MEI4: variants seen among roughly 807,000 people sequenced by gnomAD.
MEI4 encodes the protein meiotic double-stranded break formation protein 4.
MEI4 carries 27 observed loss-of-function variants against 31.4 expected under a neutral mutation model. That is an observed-to-expected ratio of 0.86 (90% CI 0.63 to 1.19). The LOEUF (loss-of-function observed/expected upper bound fraction) is 1.19. Ranked by LOEUF, MEI4 falls within the 50% of genes most tolerant of loss-of-function variation. The pLI is 0.00. For missense variants in MEI4, 329 were observed against 398.9 expected (o/e 0.82, Z 1.49); for synonymous variants, 122 against 145.4 (o/e 0.84, Z 1.16).
intron 4 of MEI4, among the ~76,000 whole-genome samples, chr6:77,879,928 T>C (rs1771437459): frequency 6.6e-6 from 1 of 152,142 alleles, no homozygotes; most frequent in African/African-American, 2.4e-5. Context: ...CTGTTACATA[T>C]ACTTAAATAA....
chr6:77,662,547 A>C (rs199944802), intron 1 of MEI4, among the ~76,000 whole-genome samples: 1 of 152,132 alleles, frequency 6.6e-6, no homozygotes, highest in African/African-American at 2.4e-5. Flanking sequence ...GAAGAAAATA[A>C]ATTTTGGAAA....
intron 3 of MEI4, among the ~76,000 whole-genome samples, chr6:77,790,010 G>T (rs1283856516): frequency 6.6e-6 from 1 of 151,940 alleles, no homozygotes; most frequent in Non-Finnish European, 1.5e-5. Flanking sequence ...CAAGCCAAAT[G>T]TCCAACAATG....
chr6:77,739,833 T>C (rs1176385135), intron 2 of MEI4, among the ~76,000 whole-genome samples: 1 of 152,328 alleles, frequency 6.6e-6, no homozygotes, highest in Admixed American at 6.5e-5. Context: ...ATTTCTTGTC[T>C]TCTGCTAGCT....
chr6:77,849,439 A>G (rs933603503), intron 4 of MEI4, among the ~76,000 whole-genome samples: 1 of 152,158 alleles, frequency 6.6e-6, no homozygotes, highest in Non-Finnish European at 1.5e-5. Flanking sequence ...GGGTGAACTG[A>G]CAGGAGCATA....
rs939303796 is a variant in MEI4, at chr6:77,749,366, C to G, written c.233-11764C>G. ...AACCCTATGCAAGGAAGCTGAGAAC[C>G]TTGATAAAAGGTTAGATGCATTGCT... On this transcript the variant is annotated intron_variant, in intron 2 of 4. Coordinates refer to ENST00000684080, the MANE Select transcript of MEI4 (RefSeq NM_001322247.2). Among the ~76,000 whole-genome samples the G allele has an allele frequency of 3.3e-5, 5 of 152,048 alleles. No individual in the cohort carries two copies. The South Asian group carries it at 1.0e-3, about 32-fold the overall frequency.
intron 4 of MEI4, among the ~76,000 whole-genome samples, chr6:77,916,846 G>A (rs1766566224): frequency 6.6e-6 from 1 of 151,228 alleles, no homozygotes. Flanking sequence ...GTATACATGT[G>A]GCATGCTGGT....
At chr6:77,679,548 T>G (rs1303679642) in intron 1 of MEI4, among the ~76,000 whole-genome samples, 1 of 146,206 alleles carries the variant, frequency 6.8e-6, no homozygotes. Flanking sequence ...TCTTGGAAGG[T>G]ATCCTCATTA....
intron 2 of MEI4, among the ~76,000 whole-genome samples, chr6:77,698,985 C>G (rs1056335439): frequency 1.3e-5 from 2 of 151,864 alleles, no homozygotes; most frequent in Non-Finnish European, 2.9e-5. Flanking sequence ...TCTTTTTTCT[C>G]TAAACTTCCC....
Position 77,925,316 on chromosome 6 carries a change from A to G in MEI4, c.*1970A>G, listed in dbSNP as rs1174454243. ...AATGCACAAAATGGAGAAACATTTT[A>G]TTTCCATTTGGTATCCATTTTATAT... On this transcript the variant is annotated 3_prime_UTR_variant, in exon 5 of 5. Coordinates refer to ENST00000684080, the MANE Select transcript of MEI4 (RefSeq NM_001322247.2). The G allele has an allele frequency of 6.6e-6, 1 of 151,870 alleles. No individual in the cohort carries two copies. The highest frequency in any genetic ancestry group is 1.5e-5 in the Non-Finnish European group (1 of 67,906). The allele number at this position is 151,870 out of a possible 1,614,324, so 9.4% of individuals were successfully genotyped here. A position where few individuals can be genotyped will look rare whatever the true frequency, so the allele number is the denominator to read the frequency against.
chr6:77,795,647 A>C (rs758552450), intron 3 of MEI4, among the ~76,000 whole-genome samples: 30 of 152,172 alleles, frequency 2.0e-4, no homozygotes, highest in African/African-American at 6.3e-4. Flanking sequence ...TACTGTGAAC[A>C]TTATATGGAT....
At chr6:77,894,101 T>A (rs765248145) in intron 4 of MEI4, among the ~76,000 whole-genome samples, 13 of 152,194 alleles carry the variant, frequency 8.5e-5, no homozygotes, top group Non-Finnish European at 1.5e-4. Flanking sequence ...AAGTATTTTA[T>A]GAATTGTAGT....
intron 3 of MEI4, among the ~76,000 whole-genome samples, chr6:77,814,047 T>C (rs1306675627): frequency 6.6e-6 from 1 of 152,076 alleles, no homozygotes; most frequent in Non-Finnish European, 1.5e-5. Flanking sequence ...CCAAAAACCA[T>C]CAGTATACAC....
rs73762813 is a variant in MEI4, at chr6:77,689,360, T to G, written c.-14-1298T>G. 8.6e-3 allele frequency among the ~76,000 whole-genome samples: 1,307 copies of G among 152,212 alleles called. 25 individuals carry two copies. The highest frequency in any genetic ancestry group is 0.03 in the African/African-American group (1,241 of 41,544). On this transcript the variant is annotated intron_variant, in intron 1 of 4. Transcript: ENST00000684080. The stretch of plus-strand genomic sequence containing the variant: ...AATTTAACTATTTGTCAGTCCATTT[T>G]CAATATTATCAATAATGCTGTGATG...
chr6:77,910,494 C>G (rs544922355), intron 4 of MEI4, among the ~76,000 whole-genome samples: 1 of 152,260 alleles, frequency 6.6e-6, no homozygotes, highest in Non-Finnish European at 1.5e-5. Flanking sequence ...ATCCAACTTA[C>G]AAGGGACGTG....
At chr6:77,816,710 C>T (rs956497689) in intron 3 of MEI4, among the ~76,000 whole-genome samples, 2 of 152,106 alleles carry the variant, frequency 1.3e-5, no homozygotes, top group Non-Finnish European at 2.9e-5. Context: ...CCTGAGGAAT[C>T]GCCACACTGA....
intron 3 of MEI4, among the ~76,000 whole-genome samples, chr6:77,816,510 T>G (rs993919558): frequency 7.9e-5 from 12 of 152,154 alleles, no homozygotes; most frequent in Non-Finnish European, 1.5e-4. Flanking sequence ...ACAGTGTATA[T>G]GTGCCACATT....
At chr6:77,909,179 A>T (rs1356403395) in intron 4 of MEI4, among the ~76,000 whole-genome samples, 1 of 152,148 alleles carries the variant, frequency 6.6e-6, no homozygotes, top group Admixed American at 6.6e-5. Flanking sequence ...CAATCAAACT[A>T]GAACTCAGGA....
At chr6:77,680,137 G>T (rs1768928615) in intron 1 of MEI4, among the ~76,000 whole-genome samples, 2 of 34,026 alleles carry the variant, frequency 5.9e-5, no homozygotes, top group Admixed American at 3.5e-4. Context: ...AAATTAGCTG[G>T]GCGTGATGGC....
Position 77,867,249 on chromosome 6 carries a change from C to T in MEI4, c.900+38187C>T, listed in dbSNP as rs201323075. ...GGGATCTAATTAAACTAAAGAGCTT[C>T]TGCATAGCAAAAGAAACTACCATCA... On this transcript the variant is annotated intron_variant, in intron 4 of 4. Coordinates refer to ENST00000684080, the MANE Select transcript of MEI4 (RefSeq NM_001322247.2). Among the ~76,000 whole-genome samples the T allele has an allele frequency of 2.3e-4, 35 of 152,308 alleles. No individual in the cohort carries two copies. The East Asian group carries it at 6.6e-3, about 29-fold the overall frequency.
Sources: allele counts gnomAD v4.1 joint callset (sites outside exome capture counted in the v4.1 genomes callset), GRCh38; gene constraint gnomAD v4.1.1; transcripts MANE v1.5; gene names NCBI Gene and HGNC (gene_info 2026-07-23, HGNC 2026-07-21).